The following RP1 variants were observed in gnomAD, a reference collection of about 807,000 sequenced individuals.
RP1 encodes the protein oxygen-regulated protein 1.
In RP1, 16 loss-of-function variants were observed where a neutral mutation model predicts 14.8. The observed-to-expected ratio is 1.08, with a 90% CI of 0.73 to 1.65. The LOEUF is 1.65. Among genes scored for constraint, RP1 ranks in the 40% most tolerant of loss-of-function variants. The probability of loss-of-function intolerance (pLI) is 0.00; values close to 1 mark genes in which losing one functional copy is unlikely to be tolerated. For synonymous variants in RP1, 876 were observed against 883.6 expected, an observed-to-expected ratio of 0.99 and a Z score of 0.15; for missense variants, 2,631 against 2,535.0, an observed-to-expected ratio of 1.04 and a Z score of -0.81.
chr8:54,841,050 A>G (rs1307909630), intron 25 of RP1, among the ~76,000 whole-genome samples: 1 of 152,064 alleles, frequency 6.6e-6, no homozygotes, highest in Non-Finnish European at 1.5e-5. Flanking sequence ...AGAGACCAAA[A>G]CTCATGGGTG....
intron 24 of RP1, among the ~76,000 whole-genome samples, chr8:54,823,194 C>T (rs1284418539): frequency 6.6e-6 from 1 of 152,136 alleles, no homozygotes; most frequent in South Asian, 2.1e-4. Flanking sequence ...CCTTTACAGT[C>T]ACAGCTCCCC....
In RP1 at chr8:54,645,656, T is replaced by C. The variant is rs946229877; in HGVS notation, c.788-3329T>C. Among the ~76,000 whole-genome samples, 5 of 152,182 alleles carry C rather than the reference T, an allele frequency of 3.3e-5. No individual in the cohort carries two copies. In the East Asian group the frequency reaches 9.6e-4, roughly 29 times the overall value. ...TTTGGGGGTTATTGCTCTGCAGTTT[T>C]CTTATAATGTGTTTTCTGATTTGGG... On this transcript the variant is annotated intron_variant, in intron 3 of 22. Transcript: ENST00000636932.
chr8:54,783,719 G>A, intron 24 of RP1: 10 of 1,227,572 alleles, frequency 8.1e-6, no homozygotes, highest in Non-Finnish European at 1.0e-5. Context: ...AGGTAAAAAT[G>A]ATACAGCTAT....
chr8:54,751,726 G>T (rs1257653784), intron 19 of RP1, among the ~76,000 whole-genome samples: 1 of 152,156 alleles, frequency 6.6e-6, no homozygotes, highest in African/African-American at 2.4e-5. Context: ...CATTGTGGTC[G>T]TCCTGGAATT....
At chr8:54,851,211 G>A (rs1812054362) in intron 25 of RP1, among the ~76,000 whole-genome samples, 1 of 152,164 alleles carries the variant, frequency 6.6e-6, no homozygotes. Flanking sequence ...TTTCATTAGG[G>A]CCGTGTGATG....
At chr8:54,605,137 T>C (rs1474722714) in intron 1 of RP1, among the ~76,000 whole-genome samples, 1 of 152,206 alleles carries the variant, frequency 6.6e-6, no homozygotes, top group Non-Finnish European at 1.5e-5. Context: ...TGTTAGGGTG[T>C]CAATTTTAGA....
Position 54,629,602 on chromosome 8 carries a change from T to C in RP1, c.5720T>C (p.Leu1907Ser). 1 of 1,614,022 alleles carries C rather than the reference T, an allele frequency of 6.2e-7. No individual in the cohort carries two copies. The highest frequency in any genetic ancestry group is 8.5e-7 in the Non-Finnish European group (1 of 1,180,004). ...IHGTLQEADS[L>S]DKLYALCGQH... ...GGTACACTTCAGGAAGCTGACTCTT[T>C]GGATAAACTGTATGCTCTTTGTGGT... Residue 1907 changes from leucine to serine, a missense_variant, in exon 4 of 4, where the codon TTG becomes TCG. Transcript: ENST00000220676.
chr8:54,674,038 A>G (rs1807239291), intron 8 of RP1: 2 of 782,124 alleles, frequency 2.6e-6, no homozygotes. Context: ...ATGGATCTCT[A>G]TGTATTGACT....
At chr8:54,816,951 C>G (rs751537520) in intron 24 of RP1, among the ~76,000 whole-genome samples, 3 of 152,028 alleles carry the variant, frequency 2.0e-5, no homozygotes, top group Admixed American at 6.6e-5. Context: ...AGTGCTTTCT[C>G]TCCTGATATC....
At chr8:54,703,529 G>A (rs1808077180) in intron 14 of RP1, among the ~76,000 whole-genome samples, 1 of 152,158 alleles carries the variant, frequency 6.6e-6, no homozygotes, top group Non-Finnish European at 1.5e-5. Context: ...AGGTAGAGTA[G>A]ATTTAGTATA....
chr8:54,640,827 T>A (rs1806439371), intron 3 of RP1, among the ~76,000 whole-genome samples: 1 of 152,202 alleles, frequency 6.6e-6, no homozygotes, highest in Admixed American at 6.5e-5. Context: ...TATGGCTACT[T>A]CTGATTTCAC....
intron 12 of RP1, among the ~76,000 whole-genome samples, chr8:54,698,032 C>A (rs1281781316): frequency 6.6e-6 from 1 of 152,016 alleles, no homozygotes; most frequent in Non-Finnish European, 1.5e-5. Flanking sequence ...AAAGAAAAAA[C>A]TGACAAATGG....
At chr8:54,861,593 CT>C (rs1312103429) in intron 27 of RP1, among the ~76,000 whole-genome samples, 1 of 152,056 alleles carries the variant, frequency 6.6e-6, no homozygotes, top group Non-Finnish European at 1.5e-5. Flanking sequence ...AATAAACATT[CT>C]TTTTTTCTTT....
chr8:54,868,796 A>G (rs1290702231), intron 28 of RP1, among the ~76,000 whole-genome samples: 2 of 152,184 alleles, frequency 1.3e-5, no homozygotes, highest in African/African-American at 4.8e-5. Flanking sequence ...ATTATCAAGT[A>G]CTTAAATGCA....
intron 24 of RP1, among the ~76,000 whole-genome samples, chr8:54,801,107 C>T (rs749154296): frequency 3.9e-5 from 6 of 152,178 alleles, no homozygotes; most frequent in South Asian, 2.1e-4. Flanking sequence ...TGTAACTTCA[C>T]GTTCCTTTAG....
intron 17 of RP1, among the ~76,000 whole-genome samples, chr8:54,732,240 A>C (rs1808810843): frequency 6.6e-6 from 1 of 152,112 alleles, no homozygotes; most frequent in South Asian, 2.1e-4. Flanking sequence ...ATCCAGCACT[A>C]AGGTTTCCTC....
At chr8:54,598,734 C>T (rs1157930737) in intron 1 of RP1, among the ~76,000 whole-genome samples, 2 of 152,184 alleles carry the variant, frequency 1.3e-5, no homozygotes, top group Non-Finnish European at 2.9e-5. Flanking sequence ...TTTTGCCGGA[C>T]ATAGAACTGT....
chr8:54,726,400 G>T (rs1808654300), exon 17 of RP1: 46 of 1,534,066 alleles, frequency 3.0e-5, no homozygotes, highest in Non-Finnish European at 4.0e-5. Flanking sequence ...AAGAAGAAAA[G>T]ATCCATGAGT....
chr8:54,609,556 T>C (rs1435226492), intron 1 of RP1, among the ~76,000 whole-genome samples: 3 of 151,804 alleles, frequency 2.0e-5, no homozygotes, highest in Admixed American at 6.6e-5. Context: ...CAACAGCAGG[T>C]TCTCAATGCC....
Sources: gnomAD v4.1 joint callset for allele counts (sites outside exome capture counted in the v4.1 genomes callset) on GRCh38, gnomAD v4.1.1 for gene constraint, MANE v1.5 for transcripts, NCBI Gene and HGNC (gene_info 2026-07-23, HGNC 2026-07-21) for gene names.